Variants in SETD2 observed in about 807,000 individuals in gnomAD.
The protein encoded by SETD2 is SET domain containing 2, histone lysine methyltransferase.
In SETD2, 31 loss-of-function variants were observed where a neutral mutation model predicts 242.1. The observed-to-expected ratio is 0.13, with a 90% CI of 0.10 to 0.17. The LOEUF (loss-of-function observed/expected upper bound fraction) is 0.17. Ranked by LOEUF, SETD2 falls within the 10% of genes least tolerant of loss-of-function variation. The pLI, the probability that SETD2 is intolerant of heterozygous loss-of-function variation, is 1.00. For missense variants in SETD2, 2,481 were observed against 3,046.3 expected (o/e 0.81, Z 4.37); for synonymous variants, 1,006 against 1,066.5 (o/e 0.94, Z 1.11).
chr3:47,071,483 G>A (rs982958666), intron 12 of SETD2, among the ~76,000 whole-genome samples: 1 of 152,030 alleles, frequency 6.6e-6, no homozygotes, highest in Non-Finnish European at 1.5e-5. Context: ...TATACCCTAC[G>A]CTTTTATCCC....
chr3:47,029,293 A>G lies in SETD2; in HGVS notation c.7350+8373T>C, dbSNP rs1559644315. 2.0e-5 allele frequency among the ~76,000 whole-genome samples: 3 copies of G among 151,522 alleles called. No individual in the cohort carries two copies. In the South Asian group the frequency reaches 6.3e-4, roughly 32 times the overall value. On this transcript the variant is annotated intron_variant, in intron 18 of 20. Transcript: ENST00000409792. Reference sequence around the variant, plus strand: ...GTCTGGTCTCAAACTCCTGGGCTTGAGGGATCCACCTGCTTTGGCATCCCA... The same window carrying G: ...GTCTGGTCTCAAACTCCTGGGCTTGGGGGATCCACCTGCTTTGGCATCCCA...
At chr3:47,116,257 T>C (rs1279628143) in intron 4 of SETD2, among the ~76,000 whole-genome samples, 3 of 152,208 alleles carry the variant, frequency 2.0e-5, no homozygotes, top group African/African-American at 7.2e-5. Context: ...ACATTCACTT[T>C]ATGCATTTCT....
chr3:47,035,352 T>C (rs906156560), intron 18 of SETD2, among the ~76,000 whole-genome samples: 3 of 152,194 alleles, frequency 2.0e-5, no homozygotes, highest in Admixed American at 6.5e-5. Context: ...CAGAGAGCCT[T>C]GTAAAAGGCA....
rs1435021221 is a variant in SETD2 at position 47,017,077 on chromosome 3, C to T, written c.*16G>A. ...TGTCTTACCTGACCACCCATCCTCC[C>T]ACCCTGGCCCAACAGTCACTCTAAT... On this transcript the variant is annotated 3_prime_UTR_variant, in exon 21 of 21. Coordinates refer to ENST00000409792, the MANE Select transcript of SETD2 (RefSeq NM_014159.7). This position sits in a 1 kb window ranked among gnomAD's most constrained non-coding sequence, Gnocchi z 4.8. 3.7e-6 allele frequency: 6 copies of T among 1,613,330 alleles called. No homozygotes were observed. The highest frequency in any genetic ancestry group is 5.1e-6 in the Non-Finnish European group (6 of 1,179,546).
intron 17 of SETD2, among the ~76,000 whole-genome samples, chr3:47,038,350 A>G (rs2039117272): frequency 1.3e-5 from 2 of 152,212 alleles, no homozygotes; most frequent in Non-Finnish European, 2.9e-5. Context: ...ATGGTGGCTC[A>G]TGCCTGTACT....
At chr3:47,153,328 C>T (rs2044042382) in intron 1 of SETD2, among the ~76,000 whole-genome samples, 1 of 152,076 alleles carries the variant, frequency 6.6e-6, no homozygotes, top group Non-Finnish European at 1.5e-5. Context: ...AAGGTAATTG[C>T]CTTTCATTTG....
rs150323941 is a variant in SETD2 at position 47,135,929 on chromosome 3, T to C, written c.72-9266A>G. Among the ~76,000 whole-genome samples the C allele has an allele frequency of 9.8e-5, 15 of 152,298 alleles. No homozygotes were observed. The East Asian group carries it at 2.9e-3, about 29-fold the overall frequency. ...TACTAGACCAGCATCTTAAAGCTAG[T>C]GATCAATTTCTTTCCTAGGCTTTCA... On this transcript the variant is annotated intron_variant, in intron 1 of 20. Coordinates refer to ENST00000409792, the MANE Select transcript of SETD2 (RefSeq NM_014159.7).
chr3:47,157,482 G>C (rs1447476808), intron 1 of SETD2: 3 of 455,936 alleles, frequency 6.6e-6, no homozygotes, highest in Non-Finnish European at 1.3e-5. Flanking sequence ...TTCTTTCCCA[G>C]TTAAACTTTC....
intron 1 of SETD2, among the ~76,000 whole-genome samples, chr3:47,143,779 C>T (rs963599791): frequency 1.6e-4 from 25 of 152,010 alleles, no homozygotes; most frequent in Non-Finnish European, 1.9e-4. Flanking sequence ...GGCGCGATCT[C>T]GGCTCACTGC....
intron 3 of SETD2, among the ~76,000 whole-genome samples, chr3:47,117,721 C>A (rs2042920045): frequency 6.6e-6 from 1 of 152,148 alleles, no homozygotes; most frequent in South Asian, 2.1e-4. Flanking sequence ...TTTAAGAGGG[C>A]TCAACTTTCT....
chr3:47,068,493 C>CTTTT (rs573954456), intron 12 of SETD2, among the ~76,000 whole-genome samples: 4 of 108,694 alleles, frequency 3.7e-5, no homozygotes, highest in Admixed American at 1.0e-4. Context: ...AATACACTAT[C>CTTTT]TTTTTTTTTT....
In SETD2 at chr3:47,150,835, T is replaced by C. The variant is rs2043966961; in HGVS notation, c.71+13019A>G. ...TAAAATTAGGCGTAGTGGGAGGATT[T>C]CTTGAGCCTGGGAGGTTGAGGCTGC... On this transcript the variant is annotated intron_variant, in intron 1 of 20. Transcript: ENST00000409792. Among the ~76,000 whole-genome samples the C allele has an allele frequency of 2.0e-5, 3 of 151,484 alleles. No homozygotes were observed. In the South Asian group the frequency reaches 6.3e-4, roughly 32 times the overall value.
At chr3:47,154,023 ACTGC>A (rs2044064837) in intron 1 of SETD2, among the ~76,000 whole-genome samples, 2 of 152,190 alleles carry the variant, frequency 1.3e-5, no homozygotes, top group South Asian at 4.1e-4. Flanking sequence ...GCTCTTTTAA[ACTGC>A]CTAATATACT....
chr3:47,137,464 T>C (rs1357147704), intron 1 of SETD2, among the ~76,000 whole-genome samples: 1 of 152,164 alleles, frequency 6.6e-6, no homozygotes, highest in Non-Finnish European at 1.5e-5. Flanking sequence ...GTGCTGGGAT[T>C]GTAGGTGTGA....
intron 18 of SETD2, among the ~76,000 whole-genome samples, chr3:47,037,128 TTTTA>T (rs2039042710): frequency 6.7e-6 from 1 of 150,076 alleles, no homozygotes; most frequent in African/African-American, 2.4e-5. Flanking sequence ...TTTTATATTT[TTTTA>T]TTTTATTATT....
intron 11 of SETD2, among the ~76,000 whole-genome samples, chr3:47,085,117 AC>A (rs2041497796): frequency 6.6e-6 from 1 of 152,180 alleles, no homozygotes; most frequent in African/African-American, 2.4e-5. Flanking sequence ...ATTAAGAACT[AC>A]ATCTCTGTAA....
At chr3:47,074,201 T>C (rs2040951493) in intron 12 of SETD2, among the ~76,000 whole-genome samples, 1 of 152,172 alleles carries the variant, frequency 6.6e-6, no homozygotes, top group Admixed American at 6.6e-5. Context: ...AAAAAGGAGC[T>C]GAATAATGCT....
intron 15 of SETD2, among the ~76,000 whole-genome samples, chr3:47,055,906 G>T (rs1252105883): frequency 6.7e-6 from 1 of 148,392 alleles, no homozygotes; most frequent in Non-Finnish European, 1.5e-5. Flanking sequence ...CAAGCTACTC[G>T]GGAGCCTGAG....
intron 13 of SETD2, 53 bp downstream of exon 13, chr3:47,067,017 T>A: frequency 7.1e-7 from 1 of 1,401,412 alleles, no homozygotes; most frequent in Non-Finnish European, 1.0e-6. Flanking sequence ...CCTCTGCACA[T>A]AACAAAAGAA....
Sources: allele counts gnomAD v4.1 joint callset (sites outside exome capture counted in the v4.1 genomes callset), GRCh38; gene constraint gnomAD v4.1.1; non-coding constraint Gnocchi (gnomAD v3.1); transcripts MANE v1.5; gene names NCBI Gene and HGNC (gene_info 2026-07-23, HGNC 2026-07-21).